The following UST variants were observed in gnomAD, a reference collection of about 807,000 sequenced individuals.
UST encodes the protein uronyl 2-sulfotransferase.
UST carries 21 observed loss-of-function variants against 45.6 expected under a neutral mutation model. The ratio of observed to expected loss-of-function variants is 0.46; its 90% confidence interval spans 0.33 to 0.66. The LOEUF (loss-of-function observed/expected upper bound fraction) is 0.66. Among genes scored for constraint, UST ranks in the 30% least tolerant of loss-of-function variants. The pLI, the probability that UST is intolerant of heterozygous loss-of-function variation, is 0.02. For synonymous variants in UST, 215 were observed against 200.6 expected (o/e 1.07, Z -0.61); for missense variants, 463 against 512.4 (o/e 0.90, Z 0.93).
At chr6:148,775,905 T>G (rs1562564166) in intron 1 of UST, among the ~76,000 whole-genome samples, 1 of 152,152 alleles carries the variant, frequency 6.6e-6, no homozygotes, top group Non-Finnish European at 1.5e-5. Context: ...GTGCTGGGAT[T>G]ACGGGTGTGA....
intron 5 of UST, among the ~76,000 whole-genome samples, chr6:149,018,134 G>T (rs1381175605): frequency 6.6e-6 from 1 of 152,142 alleles, no homozygotes; most frequent in Admixed American, 6.5e-5. Flanking sequence ...AACTGAAGAA[G>T]TATGAGGGGA....
rs200210479 is a variant in UST at position 148,846,361 on chromosome 6, A to G, written c.248-40625A>G. Among the ~76,000 whole-genome samples the G allele has an allele frequency of 1.1e-3, 173 of 151,574 alleles. 1 individual carries two copies. In the East Asian group the frequency reaches 0.029, roughly 26 times the overall value. ...CTATCGCAAGGACAAAAAACCAAAC[A>G]CTGCATGTTCTCACTCATAGGTGGG... is the stretch of plus-strand genomic sequence containing the variant. On this transcript the variant is annotated intron_variant, in intron 1 of 7. Coordinates refer to ENST00000367463, the MANE Select transcript of UST (RefSeq NM_005715.3).
In UST at chr6:148,820,267, C is replaced by A. The variant is rs528717483; in HGVS notation, c.248-66719C>A. On this transcript the variant is annotated intron_variant, in intron 1 of 7. Coordinates refer to ENST00000367463, the MANE Select transcript of UST (RefSeq NM_005715.3). Reference sequence around the variant, plus strand: ...ATTCCCATATGCCCTCACTCAGATGCCACAAAACTCAAGGTAATCATACTT... The same window carrying A: ...ATTCCCATATGCCCTCACTCAGATGACACAAAACTCAAGGTAATCATACTT... Among the ~76,000 whole-genome samples, 125 of 152,276 alleles carry A rather than the reference C, an allele frequency of 8.2e-4. 1 individual carries two copies. The highest frequency in any genetic ancestry group is 2.9e-3 in the African/African-American group (121 of 41,544).
chr6:148,844,800 G>A (rs1422341271), intron 1 of UST, among the ~76,000 whole-genome samples: 2 of 152,150 alleles, frequency 1.3e-5, no homozygotes, highest in African/African-American at 4.8e-5. Context: ...TGCCCCTGTA[G>A]TAGGTTGCAG....
chr6:149,058,904 G>A lies in UST; in HGVS notation c.938-14929G>A, dbSNP rs182550825. Among the ~76,000 whole-genome samples the A allele has an allele frequency of 5.5e-4, 83 of 152,214 alleles. 1 individual carries two copies. Among genetic ancestry groups the A allele is most frequent in the Admixed American group, 3.0e-3 (46 of 15,290 alleles). Reference sequence around the variant, plus strand: ...AAACTGTGCTGAGGAAAACACACACGTAGCACATACTTTCAAACAAATTTT... The same window carrying A: ...AAACTGTGCTGAGGAAAACACACACATAGCACATACTTTCAAACAAATTTT... On this transcript the variant is annotated intron_variant, in intron 7 of 7. Coordinates refer to ENST00000367463, the MANE Select transcript of UST (RefSeq NM_005715.3).
At chr6:149,061,153 T>C (rs1776649802) in intron 7 of UST, among the ~76,000 whole-genome samples, 2 of 152,094 alleles carry the variant, frequency 1.3e-5, no homozygotes, top group Non-Finnish European at 2.9e-5. Context: ...AAGCGAGGCC[T>C]CTGTCCTCCG....
At chr6:148,757,259 T>G (rs1776117556) in intron 1 of UST, among the ~76,000 whole-genome samples, 2 of 152,276 alleles carry the variant, frequency 1.3e-5, no homozygotes, top group Admixed American at 1.3e-4. Flanking sequence ...TAATTAAGAA[T>G]AGCTGAGATC....
At chr6:148,898,673 A>G (rs1299330548) in intron 2 of UST, among the ~76,000 whole-genome samples, 1 of 152,230 alleles carries the variant, frequency 6.6e-6, no homozygotes, top group Non-Finnish European at 1.5e-5. Context: ...GTTTAGTGCT[A>G]TTAAGCACAT....
intron 1 of UST, among the ~76,000 whole-genome samples, chr6:148,874,872 T>C (rs189157987): frequency 1.1e-3 from 160 of 152,342 alleles, no homozygotes; most frequent in African/African-American, 3.7e-3. Context: ...AGTGTGGCAT[T>C]AGCATAATTT....
At chr6:149,017,807 C>T (rs77391348) in intron 5 of UST, among the ~76,000 whole-genome samples, 3,257 of 91,850 alleles carry the variant, frequency 0.035, 107 homozygotes, top group African/African-American at 0.11. Flanking sequence ...TATACACACA[C>T]ACACACACAC....
intron 5 of UST, among the ~76,000 whole-genome samples, chr6:148,998,440 T>C (rs1781490055): frequency 6.6e-6 from 1 of 152,236 alleles, no homozygotes; most frequent in African/African-American, 2.4e-5. Flanking sequence ...TTCCTTCTGA[T>C]CTCTGGCCTA....
intron 2 of UST, among the ~76,000 whole-genome samples, chr6:148,917,733 G>A (rs1779616461): frequency 6.6e-6 from 1 of 152,212 alleles, no homozygotes; most frequent in South Asian, 2.1e-4. Context: ...TAGGGCTGAG[G>A]CATCTCCCAC....
intron 1 of UST, among the ~76,000 whole-genome samples, chr6:148,835,129 G>GAA (rs1359453183): frequency 6.6e-6 from 1 of 151,166 alleles, no homozygotes; most frequent in African/African-American, 2.4e-5. Context: ...AAAATATTCA[G>GAA]AAAAACACAA....
intron 7 of UST, among the ~76,000 whole-genome samples, chr6:149,057,278 A>G (rs1445335534): frequency 6.6e-6 from 1 of 152,258 alleles, no homozygotes; most frequent in African/African-American, 2.4e-5. Context: ...ACGAGCAACC[A>G]TACTCCCATA....
At chr6:149,062,796 T>C (rs1203801232) in intron 7 of UST, among the ~76,000 whole-genome samples, 1 of 152,246 alleles carries the variant, frequency 6.6e-6, no homozygotes, top group Non-Finnish European at 1.5e-5. Flanking sequence ...TCTTGTGACC[T>C]CTGGGGCCCT....
intron 1 of UST, among the ~76,000 whole-genome samples, chr6:148,847,578 C>T (rs1778016075): frequency 6.6e-6 from 1 of 152,178 alleles, no homozygotes; most frequent in Admixed American, 6.5e-5. Flanking sequence ...CCTCCTTATT[C>T]CTTACACAAG....
At chr6:148,775,364 G>C in intron 1 of UST, among the ~76,000 whole-genome samples, 1 of 152,180 alleles carries the variant, frequency 6.6e-6, no homozygotes, top group African/African-American at 2.4e-5. Flanking sequence ...TTAGGATGGA[G>C]CGAGGTGGTG....
chr6:148,909,113 A>G (rs1779426110), intron 2 of UST, among the ~76,000 whole-genome samples: 1 of 149,522 alleles, frequency 6.7e-6, no homozygotes, highest in South Asian at 2.1e-4. Context: ...TTCACTTTTT[A>G]TTGGAAATAA....
chr6:149,035,444 T>G (rs1236016455), intron 7 of UST, among the ~76,000 whole-genome samples: 1 of 152,156 alleles, frequency 6.6e-6, no homozygotes, highest in Non-Finnish European at 1.5e-5. Context: ...TCTTTCGTTT[T>G]AAGAGTGAGG....
Sources: gnomAD v4.1 joint callset for allele counts (sites outside exome capture counted in the v4.1 genomes callset) on GRCh38, gnomAD v4.1.1 for gene constraint, MANE v1.5 for transcripts, NCBI Gene and HGNC (gene_info 2026-07-23, HGNC 2026-07-21) for gene names.